The following RBFOX1 variants were observed in gnomAD, a reference collection of about 807,000 sequenced individuals.
The protein encoded by RBFOX1 is RNA binding protein fox-1 homolog 1.
A neutral mutation model predicts 57.7 loss-of-function variants in RBFOX1; 8 were observed. That is an observed-to-expected ratio of 0.14 (90% CI 0.08 to 0.25). The LOEUF (loss-of-function observed/expected upper bound fraction) is 0.25, where lower values mean the gene tolerates loss of function less well. Among genes scored for constraint, RBFOX1 ranks in the 10% least tolerant of loss-of-function variants. RBFOX1 has a pLI of 1.00. For synonymous variants in RBFOX1, 326 were observed against 222.4 expected (o/e 1.47, Z -4.15); for missense variants, 611 against 548.5 (o/e 1.11, Z -1.14).
chr16:7,514,393 C>T lies in RBFOX1; in HGVS notation c.28-3754C>T, dbSNP rs558468647. Among the ~76,000 whole-genome samples, 434 of 152,256 alleles carry T rather than the reference C, an allele frequency of 2.9e-3. 2 individuals carry two copies. The highest frequency in any genetic ancestry group is 0.017 in the Middle Eastern group (5 of 294). ...TTCCAGCACATATTCACTTGGCAAA[C>T]ATTTATAAATGTCCACTTTGCAGCT... On this transcript the variant is annotated intron_variant, in intron 4 of 15. Transcript: ENST00000550418.
intron 4 of RBFOX1, among the ~76,000 whole-genome samples, chr16:5,984,964 ATATATATATATATTTTT>A (rs1217171161): frequency 6.9e-4 from 29 of 42,046 alleles, no homozygotes; most frequent in Non-Finnish European, 9.5e-4. Context: ...ATATATATAT[ATATATATATATATTTTT>A]TTTTTTTTTT....
intron 3 of RBFOX1, among the ~76,000 whole-genome samples, chr16:6,941,355 C>T (rs1048088039): frequency 7.9e-6 from 1 of 126,096 alleles, no homozygotes; most frequent in African/African-American, 2.9e-5. Flanking sequence ...TCCTTCCTTC[C>T]TTCTCTATGG....
chr16:7,545,602 A>G (rs1271441649), intron 5 of RBFOX1, among the ~76,000 whole-genome samples: 1 of 152,190 alleles, frequency 6.6e-6, no homozygotes, highest in Non-Finnish European at 1.5e-5. Context: ...ACCCCAGCTC[A>G]GTCTCCACTT....
At chr16:7,308,568 A>G (rs1456618101) in intron 4 of RBFOX1, among the ~76,000 whole-genome samples, 2 of 152,220 alleles carry the variant, frequency 1.3e-5, no homozygotes, top group East Asian at 1.9e-4. Flanking sequence ...TTTCCCACTT[A>G]ATGATGATCC....
chr16:5,698,520 G>A (rs180906768), intron 3 of RBFOX1, among the ~76,000 whole-genome samples: 1 of 152,196 alleles, frequency 6.6e-6, no homozygotes, highest in African/African-American at 2.4e-5. Flanking sequence ...GTACAGAGCT[G>A]CTTTATAGTT....
chr16:6,149,151 G>A (rs918097719), intron 1 of RBFOX1, among the ~76,000 whole-genome samples: 1 of 152,196 alleles, frequency 6.6e-6, no homozygotes, highest in Non-Finnish European at 1.5e-5. Flanking sequence ...ATTTTGTTAG[G>A]CGCTTTGGGG....
chr16:6,024,825 G>C (rs938252807), intron 1 of RBFOX1, among the ~76,000 whole-genome samples: 1 of 152,202 alleles, frequency 6.6e-6, no homozygotes, highest in South Asian at 2.1e-4. Context: ...GTGTTCATCA[G>C]GCACCCACTG....
intron 3 of RBFOX1, among the ~76,000 whole-genome samples, chr16:7,019,592 A>T (rs2094104057): frequency 1.3e-5 from 2 of 152,298 alleles, no homozygotes; most frequent in African/African-American, 4.8e-5. Flanking sequence ...CTGTTCTGTG[A>T]ATACGTAGTT....
intron 4 of RBFOX1, among the ~76,000 whole-genome samples, chr16:7,378,599 CATTAGG>C (rs2097728419): frequency 6.6e-6 from 1 of 152,196 alleles, no homozygotes; most frequent in Non-Finnish European, 1.5e-5. Flanking sequence ...GTGGGAGAAG[CATTAGG>C]CACATTGTTT....
At chr16:6,015,104 A>C (rs771370074), upstream of RBFOX1, among the ~76,000 whole-genome samples, 1 of 152,126 alleles carries the variant, frequency 6.6e-6, no homozygotes, top group Non-Finnish European at 1.5e-5. Flanking sequence ...CAGTCTGCCC[A>C]CTTCAGCCTC....
At chr16:5,978,795 G>T (rs899444248) in intron 4 of RBFOX1, among the ~76,000 whole-genome samples, 7 of 151,782 alleles carry the variant, frequency 4.6e-5, no homozygotes, top group Non-Finnish European at 7.4e-5. Flanking sequence ...TTAGCCTGGG[G>T]TTTGGAGTTG....
At chr16:7,087,363 C>T (rs1395323987) in intron 4 of RBFOX1, among the ~76,000 whole-genome samples, 1 of 152,110 alleles carries the variant, frequency 6.6e-6, no homozygotes, top group East Asian at 1.9e-4. Flanking sequence ...TGGTGTAGTG[C>T]CTGTCTGTTG....
intron 4 of RBFOX1, among the ~76,000 whole-genome samples, chr16:7,150,190 G>T (rs2152275518): frequency 6.6e-6 from 1 of 152,140 alleles, no homozygotes; most frequent in African/African-American, 2.4e-5. Context: ...CACATCCGAA[G>T]GACAAAAAAT....
At chr16:5,791,984 T>C (rs1366414481) in intron 3 of RBFOX1, among the ~76,000 whole-genome samples, 2 of 152,064 alleles carry the variant, frequency 1.3e-5, no homozygotes, top group Non-Finnish European at 2.9e-5. Flanking sequence ...CACCAGAGAC[T>C]TTGAGGATGA....
intron 2 of RBFOX1, among the ~76,000 whole-genome samples, chr16:6,608,274 A>G (rs2097976432): frequency 6.6e-6 from 1 of 152,180 alleles, no homozygotes; most frequent in African/African-American, 2.4e-5. Context: ...ATTAAGTGAA[A>G]TATTTCAAAG....
At chr16:7,280,006 C>T (rs542270679) in intron 4 of RBFOX1, among the ~76,000 whole-genome samples, 27 of 152,190 alleles carry the variant, frequency 1.8e-4, no homozygotes, top group East Asian at 5.8e-4. Context: ...ACTCCATGGC[C>T]AGCGCCACAT....
chr16:6,278,589 C>T (rs1285951059), intron 1 of RBFOX1, among the ~76,000 whole-genome samples: 2 of 151,792 alleles, frequency 1.3e-5, no homozygotes, highest in East Asian at 1.9e-4. Context: ...TGAGCTTTTT[C>T]GTAGATTATC....
chr16:7,573,396 T>C (rs2092993482), intron 5 of RBFOX1, among the ~76,000 whole-genome samples: 1 of 152,212 alleles, frequency 6.6e-6, no homozygotes, highest in Non-Finnish European at 1.5e-5. Flanking sequence ...CCCTGGCCAC[T>C]TTCCCGTCCA....
chr16:6,855,554 G>C (rs1019444535), intron 3 of RBFOX1, among the ~76,000 whole-genome samples: 9 of 151,544 alleles, frequency 5.9e-5, no homozygotes, highest in Non-Finnish European at 1.3e-4. Flanking sequence ...TGGGGAGGCT[G>C]AGGCAGGAGA....
Sources: allele counts gnomAD v4.1 joint callset (sites outside exome capture counted in the v4.1 genomes callset), GRCh38; gene constraint gnomAD v4.1.1; transcripts MANE v1.5; gene names NCBI Gene and HGNC (gene_info 2026-07-23, HGNC 2026-07-21).